The following SLC35E1 variants were observed in gnomAD, a reference collection of about 807,000 sequenced individuals.
SLC35E1 encodes the protein solute carrier family 35 member E1, also known as solute carrier family 35, member E1.
In SLC35E1, 12 loss-of-function variants were observed where a neutral mutation model predicts 31.0. The ratio of observed to expected loss-of-function variants is 0.39; its 90% CI spans 0.25 to 0.63. The LOEUF (loss-of-function observed/expected upper bound fraction) is 0.63, where lower values mean the gene tolerates loss of function less well. SLC35E1 is among the 20% of genes least tolerant of loss of function. The pLI, the probability that SLC35E1 is intolerant of heterozygous loss-of-function variation, is 0.52. For missense variants in SLC35E1, 429 were observed against 572.2 expected, an observed-to-expected ratio of 0.75 and a Z score of 2.55; for synonymous variants, 257 against 264.1, an observed-to-expected ratio of 0.97 and a Z score of 0.26.
At chr19:16,554,267 GAA>G (rs778901992) in intron 5 of SLC35E1, among the ~76,000 whole-genome samples, 4 of 51,706 alleles carry the variant, frequency 7.7e-5, no homozygotes, top group Admixed American at 2.4e-4. Flanking sequence ...CGCTGTCTCA[GAA>G]AAAAAAAAAA....
intron 4 of SLC35E1, among the ~76,000 whole-genome samples, chr19:16,561,122 G>A (rs908841498): frequency 2.1e-5 from 3 of 139,794 alleles, no homozygotes; most frequent in Non-Finnish European, 3.0e-5. Context: ...GCTGGGGCAG[G>A]ACAATCTCTT....
chr19:16,563,381 G>T (rs990104010), intron 4 of SLC35E1, among the ~76,000 whole-genome samples: 1 of 152,020 alleles, frequency 6.6e-6, no homozygotes, highest in South Asian at 2.1e-4. Flanking sequence ...TGTGTAATAA[G>T]GACAGAGGGT....
intron 5 of SLC35E1, among the ~76,000 whole-genome samples, chr19:16,554,202 G>C (rs984577562): frequency 6.7e-6 from 1 of 150,194 alleles, no homozygotes; most frequent in African/African-American, 2.5e-5. Flanking sequence ...GGAGGCGGAG[G>C]TTGCAGTGAG....
At position 16,555,907 on chromosome 19, in the gene SLC35E1, A is replaced by C. The variant is rs2085873078; in HGVS notation, c.757-510T>G. ...AACAATCTCAAGCCAAACAAACACA[A>C]GAGGTGACGTTACCATCAACAGCTG... On this transcript the variant is annotated intron_variant, in intron 4 of 5. Coordinates refer to ENST00000595753, the MANE Select transcript of SLC35E1 (RefSeq NM_024881.5). The surrounding 1 kb of genome is among the most constrained non-coding windows in gnomAD (Gnocchi z 4.1). The C allele has an allele frequency of 1.3e-5, 2 of 157,968 alleles. No homozygotes were observed. The highest frequency in any genetic ancestry group is 4.8e-5 in the African/African-American group (2 of 41,484). The allele number at this position is 157,968 out of a possible 1,614,324, so 9.8% of individuals were successfully genotyped here.
chr19:16,566,762 T>G (rs574135285), intron 3 of SLC35E1, 105 bp from the exon 4 acceptor site: 9 of 1,422,286 alleles, frequency 6.3e-6, no homozygotes, highest in Non-Finnish European at 6.7e-6. Flanking sequence ...AACCCTGACA[T>G]CTGAGCTTGG....
At chr19:16,559,939 T>C (rs762417156) in intron 4 of SLC35E1, among the ~76,000 whole-genome samples, 1 of 152,166 alleles carries the variant, frequency 6.6e-6, no homozygotes, top group Non-Finnish European at 1.5e-5. Flanking sequence ...ATGAAGAATG[T>C]TGATGTTTTG....
In SLC35E1 at chr19:16,551,510, G is replaced by A. The variant is rs1172412598; in HGVS notation, c.*2169C>T. ...CATCTCGCTCGCTGGGAGATAAAAG[G>A]TAAATCTCTCATTTGCTGCTCTCTT... On this transcript the variant is annotated 3_prime_UTR_variant, in exon 6 of 6. Coordinates refer to ENST00000595753, the MANE Select transcript of SLC35E1 (RefSeq NM_024881.5). 2 of 152,098 alleles carry A rather than the reference G, an allele frequency of 1.3e-5. No homozygotes were observed. Among genetic ancestry groups the A allele is most frequent in the Non-Finnish European group, 2.9e-5 (2 of 68,018 alleles). 9.4% of individuals were successfully genotyped at this position (152,098 alleles called of 1,614,324 possible). A position where few individuals can be genotyped will look rare whatever the true frequency, so the allele number is the denominator to read the frequency against.
intron 4 of SLC35E1, among the ~76,000 whole-genome samples, chr19:16,560,881 C>CAAAAAAAAAAAA (rs1304202019): frequency 4.4e-5 from 3 of 68,054 alleles, no homozygotes; most frequent in African/African-American, 6.0e-5. Flanking sequence ...AAAAAAAAAC[C>CAAAAAAAAAAAA]AAAAAAAAAA....
At chr19:16,571,710 G>C (rs1443925741) in intron 1 of SLC35E1, 128 bp from the exon 2 acceptor site, 8 of 1,036,764 alleles carry the variant, frequency 7.7e-6, no homozygotes, top group South Asian at 2.7e-5. Context: ...TTTCGGTAGG[G>C]CTTCCTCCTG....
chr19:16,566,520 T>C lies in SLC35E1; in HGVS notation c.756+12A>G. The stretch of plus-strand genomic sequence containing the variant: ...CAAGAAAATGGCGTGTTCTTGGTGC[T>C]GTACAACTCACCAAGTCGCTGCTGA... On this transcript the variant is annotated intron_variant, in intron 4 of 5. Coordinates refer to ENST00000595753, the MANE Select transcript of SLC35E1 (RefSeq NM_024881.5). 1.2e-6 allele frequency: 2 copies of C among 1,612,608 alleles called. No individual in the cohort carries two copies. The highest frequency in any genetic ancestry group is 8.5e-7 in the Non-Finnish European group (1 of 1,180,008).
chr19:16,567,947 A>G (rs2085940020), intron 3 of SLC35E1, 85 bp downstream of exon 3: 5 of 1,452,186 alleles, frequency 3.4e-6, no homozygotes, highest in Non-Finnish European at 4.5e-6. Context: ...AGAAATTTCT[A>G]CTCCGCCTGT....
At position 16,553,760 on chromosome 19, in the gene SLC35E1, G is replaced by A; in HGVS notation, c.1152C>T (p.Arg384=). The change falls in exon 6 of 6, where the codon CGC becomes CGT. Residue 384 remains arginine, a synonymous_variant. Coordinates refer to ENST00000595753, the MANE Select transcript of SLC35E1 (RefSeq NM_024881.5). The part of the protein sequence containing the change: ...FPQHGDYQYG[R]NNILTDHFQY... The stretch of plus-strand genomic sequence containing the variant: ...GGAAGTGGTCTGTTAAGATGTTGTT[G>A]CGGCCGTACTGATAGTCCCCGTGCT... 1 of 1,612,820 alleles carries A rather than the reference G, an allele frequency of 6.2e-7. No homozygotes were observed. The highest frequency in any genetic ancestry group is 2.2e-5 in the East Asian group (1 of 44,848).
At chr19:16,560,268 G>C (rs1351104856) in intron 4 of SLC35E1, among the ~76,000 whole-genome samples, 1 of 152,112 alleles carries the variant, frequency 6.6e-6, no homozygotes, top group Non-Finnish European at 1.5e-5. Context: ...GTACTTTCTA[G>C]TTTCCTAGTC....
intron 2 of SLC35E1, among the ~76,000 whole-genome samples, chr19:16,569,449 G>A (rs898620570): frequency 5.3e-5 from 8 of 152,204 alleles, no homozygotes; most frequent in African/African-American, 1.7e-4. Flanking sequence ...CTGAATGAAC[G>A]AGTAGCAAAC....
intron 4 of SLC35E1, chr19:16,565,175 G>A (rs1221020366): frequency 2.2e-6 from 1 of 454,252 alleles, no homozygotes; most frequent in African/African-American, 2.0e-5. Flanking sequence ...AATGGAAACA[G>A]AGACCAGGGA....
Position 16,555,206 on chromosome 19 carries a change from GCTGGTGA to G in SLC35E1, c.941_947del (p.Val314AlafsTer7). 1 of 1,614,168 alleles carries G rather than the reference GCTGGTGA, an allele frequency of 6.2e-7. No individual in the cohort carries two copies. Among genetic ancestry groups the G allele is most frequent in the Non-Finnish European group, 8.5e-7 (1 of 1,180,024 alleles). On this transcript the variant is annotated frameshift_variant, in exon 5 of 6. Coordinates refer to ENST00000595753, the MANE Select transcript of SLC35E1 (RefSeq NM_024881.5). LOFTEE classifies it high-confidence loss of function. The surrounding 1 kb of genome is among the most constrained non-coding windows in gnomAD (Gnocchi z 4.1). Reference sequence around the variant, plus strand: ...CGGTCATCATGCCCAGGACGTTGGTGCTGGTGACTGGGTTGCGCAGCATGATCAGGGA... The same window carrying G: ...CGGTCATCATGCCCAGGACGTTGGTGCTGGGTTGCGCAGCATGATCAGGGA...
chr19:16,571,431 G>C, intron 2 of SLC35E1, 81 bp downstream of exon 2: 1 of 1,468,236 alleles, frequency 6.8e-7, no homozygotes, highest in Non-Finnish European at 9.5e-7. Flanking sequence ...TGCAGACCAG[G>C]ATCCTGACCA....
In SLC35E1 at chr19:16,553,807, G is replaced by A. The variant is rs768099647; in HGVS notation, c.1105C>T (p.His369Tyr). 2.0e-5 allele frequency: 33 copies of A among 1,613,974 alleles called. No homozygotes were observed. The highest frequency in any genetic ancestry group is 2.7e-5 in the Non-Finnish European group (32 of 1,180,002). Residue 369 changes from histidine to tyrosine, a missense_variant, in exon 6 of 6, where the codon CAC becomes TAC. Physicochemically the swap from His to Tyr is moderately conservative, Grantham distance 83. Coordinates refer to ENST00000595753, the MANE Select transcript of SLC35E1 (RefSeq NM_024881.5). ...ERHRSPLEKP[H>Y]NGLLFPQHGD... ...TGCTGGGGGAAGAGGAGGCCGTTGTGGGGCTTCTCCAGTGGGCTCCGGTGA... is the reference window on the plus strand; with the variant it reads ...TGCTGGGGGAAGAGGAGGCCGTTGTAGGGCTTCTCCAGTGGGCTCCGGTGA...
In SLC35E1 at chr19:16,555,527, C is replaced by G; in HGVS notation, c.757-130G>C. 1 of 1,309,638 alleles carries G rather than the reference C, an allele frequency of 7.6e-7. No homozygotes were observed. Among genetic ancestry groups the G allele is most frequent in the South Asian group, 1.5e-5 (1 of 68,088 alleles). The allele number at this position is 1,309,638 out of a possible 1,614,324, so 81.1% of individuals were successfully genotyped here. A position where few individuals can be genotyped will look rare whatever the true frequency, so the allele number is the denominator to read the frequency against. ...CTGGAGCCTCATGGTCCACAGGCAG[C>G]CAGTCCAGATGTGTCACCAAGAGAC... On this transcript the variant is annotated intron_variant, in intron 4 of 5. Transcript: ENST00000595753. This position sits in a 1 kb window ranked among gnomAD's most constrained non-coding sequence, Gnocchi z 4.1.
Sources: allele counts gnomAD v4.1 joint callset (sites outside exome capture counted in the v4.1 genomes callset), GRCh38; gene constraint gnomAD v4.1.1; non-coding constraint Gnocchi (gnomAD v3.1); transcripts MANE v1.5; gene names NCBI Gene and HGNC (gene_info 2026-07-23, HGNC 2026-07-21).